The following ZNF568 variants were observed in gnomAD, a reference collection of about 807,000 sequenced individuals.
ZNF568 encodes zinc finger protein 568.
Under a neutral mutation model 18.1 loss-of-function variants are expected in ZNF568, and 11 were observed. The ratio of observed to expected loss-of-function variants is 0.61; its 90% confidence interval spans 0.38 to 1.00. The LOEUF (loss-of-function observed/expected upper bound fraction) is 1.00, where lower values mean the gene tolerates loss of function less well. Ranked by LOEUF, ZNF568 falls within the 50% of genes least tolerant of loss-of-function variation. ZNF568 has a pLI of 0.01. For synonymous variants in ZNF568, 213 were observed against 246.6 expected (o/e 0.86, Z 1.28); for missense variants, 639 against 768.2 (o/e 0.83, Z 1.99).
At chr19:36,923,575 C>A (rs1394091105) in intron 3 of ZNF568, among the ~76,000 whole-genome samples, 2 of 150,622 alleles carry the variant, frequency 1.3e-5, no homozygotes, top group Non-Finnish European at 2.9e-5. Context: ...GCTTCAACCC[C>A]ACCTTTATCT....
At chr19:36,978,964 A>G (rs964901661) in intron 7 of ZNF568, 1 of 353,792 alleles carries the variant, frequency 2.8e-6, no homozygotes, top group Non-Finnish European at 5.4e-6. Context: ...AGTCGTTTTC[A>G]TACTATATTG....
chr19:36,946,194 T>A (rs761997258), intron 6 of ZNF568, among the ~76,000 whole-genome samples: 2 of 152,138 alleles, frequency 1.3e-5, no homozygotes, highest in South Asian at 4.1e-4. Flanking sequence ...CAGGGTGGAA[T>A]CTGGACTTCC....
chr19:36,947,563 G>C (rs1178516275), intron 6 of ZNF568, among the ~76,000 whole-genome samples: 1 of 152,132 alleles, frequency 6.6e-6, no homozygotes, highest in African/African-American at 2.4e-5. Context: ...GTGGGAGACT[G>C]GAATACATGT....
chr19:36,990,950 G>T, intron 2 of ZNF568: 1 of 427,728 alleles, frequency 2.3e-6, no homozygotes, highest in Middle Eastern at 6.4e-4. Context: ...GATAATGGAA[G>T]TGCCCAGAGG....
chr19:36,921,448 C>T (rs1226540298), intron 2 of ZNF568, among the ~76,000 whole-genome samples: 5 of 148,610 alleles, frequency 3.4e-5, no homozygotes, highest in South Asian at 2.1e-4. Context: ...GCAACAAGAG[C>T]GAAACTCCAT....
downstream of ZNF568, among the ~76,000 whole-genome samples, chr19:36,980,640 A>G (rs546861887): frequency 6.6e-6 from 1 of 152,304 alleles, no homozygotes; most frequent in South Asian, 2.1e-4. Flanking sequence ...TCACAGTCAT[A>G]TTTATAACAG....
intron 4 of ZNF568, among the ~76,000 whole-genome samples, chr19:36,929,929 G>A (rs940403129): frequency 1.6e-5 from 2 of 128,160 alleles, no homozygotes; most frequent in African/African-American, 3.2e-5. Context: ...CTTGCCAGGG[G>A]CAGAAGCGTG....
intron 2 of ZNF568, among the ~76,000 whole-genome samples, chr19:36,917,982 T>C (rs576358456): frequency 6.6e-6 from 1 of 152,356 alleles, no homozygotes; most frequent in East Asian, 1.9e-4. Context: ...GGAGTCTCGC[T>C]CTGTCACCCA....
intron 4 of ZNF568, among the ~76,000 whole-genome samples, chr19:36,930,614 T>C (rs2073671526): frequency 6.6e-6 from 1 of 152,204 alleles, no homozygotes; most frequent in African/African-American, 2.4e-5. Flanking sequence ...GTTTTCTCTT[T>C]TTGTAGTTTT....
intron 6 of ZNF568, among the ~76,000 whole-genome samples, chr19:36,965,683 A>G (rs2074188746): frequency 6.8e-6 from 1 of 146,788 alleles, no homozygotes; most frequent in Admixed American, 6.8e-5. Flanking sequence ...GCATCCCCCC[A>G]GTTTTGTGTG....
intron 6 of ZNF568, among the ~76,000 whole-genome samples, chr19:36,946,070 G>C (rs1355775805): frequency 3.3e-5 from 5 of 151,898 alleles, no homozygotes; most frequent in Admixed American, 6.6e-5. Context: ...ACTCCAGCCT[G>C]GCGACAGAGT....
At chr19:36,976,988 A>AT (rs1240594686) in intron 7 of ZNF568, among the ~76,000 whole-genome samples, 12 of 152,284 alleles carry the variant, frequency 7.9e-5, no homozygotes, top group Admixed American at 7.8e-4. Flanking sequence ...AAAGAATGCT[A>AT]TTTTTTAATT....
downstream of ZNF568, among the ~76,000 whole-genome samples, chr19:36,982,044 T>C (rs2074336068): frequency 6.6e-6 from 1 of 152,196 alleles, no homozygotes; most frequent in African/African-American, 2.4e-5. Context: ...TTCTGACGTC[T>C]TGTAGATTCT....
chr19:36,925,681 G>A (rs1052914274), intron 4 of ZNF568, among the ~76,000 whole-genome samples: 1 of 150,330 alleles, frequency 6.7e-6, no homozygotes, highest in Non-Finnish European at 1.5e-5. Flanking sequence ...AAAAATACTT[G>A]AAAAAAAAAT....
chr19:36,977,170 G>A (rs1367001284), intron 7 of ZNF568, among the ~76,000 whole-genome samples: 1 of 151,952 alleles, frequency 6.6e-6, no homozygotes, highest in African/African-American at 2.4e-5. Flanking sequence ...CCTTTTTGCT[G>A]TGCCAGATGG....
At chr19:36,969,897 G>T (rs1305154194) in intron 6 of ZNF568, among the ~76,000 whole-genome samples, 1 of 110,816 alleles carries the variant, frequency 9.0e-6, no homozygotes, top group East Asian at 2.2e-4. Context: ...CGAGTACCTA[G>T]GACTACAGGC....
intron 6 of ZNF568, among the ~76,000 whole-genome samples, chr19:36,940,636 A>G (rs1376727285): frequency 6.6e-6 from 1 of 152,224 alleles, no homozygotes; most frequent in Non-Finnish European, 1.5e-5. Context: ...AAGACAGGGC[A>G]TAGTCACATG....
intron 3 of ZNF568, chr19:36,991,543 G>A: frequency 3.1e-6 from 2 of 641,084 alleles, no homozygotes; most frequent in Admixed American, 6.6e-5. Flanking sequence ...ATTTGATGAA[G>A]TGGAAATGAA....
At chr19:36,947,901 C>T (rs1438037281) in intron 6 of ZNF568, among the ~76,000 whole-genome samples, 1 of 152,246 alleles carries the variant, frequency 6.6e-6, no homozygotes, top group African/African-American at 2.4e-5. Context: ...CCCAGGCACA[C>T]ACAGCCTTCC....
Sources: gnomAD v4.1 joint callset for allele counts (sites outside exome capture counted in the v4.1 genomes callset) on GRCh38, gnomAD v4.1.1 for gene constraint, MANE v1.5 for transcripts, NCBI Gene and HGNC (gene_info 2026-07-23, HGNC 2026-07-21) for gene names.